C3orf33: variants seen among roughly 807,000 people sequenced by gnomAD.
C3orf33 encodes AP-1 activity suppressor.
In C3orf33, 23 loss-of-function variants were observed where a neutral mutation model predicts 28.7. The ratio of observed to expected loss-of-function variants is 0.80; its 90% CI spans 0.58 to 1.13. The LOEUF (loss-of-function observed/expected upper bound fraction) is 1.13. Ranked by LOEUF, C3orf33 falls within the 50% of genes most tolerant of loss-of-function variation. The pLI is 0.00. For missense variants in C3orf33, 327 were observed against 353.4 expected (o/e 0.93, Z 0.60); for synonymous variants, 119 against 120.5 (o/e 0.99, Z 0.08).
intron 3 of C3orf33, among the ~76,000 whole-genome samples, 185 bp from the exon 4 acceptor site, chr3:155,767,854 A>T (rs1008739083): frequency 6.6e-6 from 1 of 152,196 alleles, no homozygotes; most frequent in African/African-American, 2.4e-5. Flanking sequence ...AGTATATATA[A>T]CACAGTAATT....
intron 3 of C3orf33, among the ~76,000 whole-genome samples, chr3:155,772,652 C>T (rs930710773): frequency 1.3e-5 from 2 of 151,770 alleles, no homozygotes; most frequent in Middle Eastern, 3.4e-3. Flanking sequence ...TTATGACTAC[C>T]GTAGGCATGT....
At chr3:155,765,694 C>T (rs984451369) in intron 4 of C3orf33, among the ~76,000 whole-genome samples, 1 of 152,038 alleles carries the variant, frequency 6.6e-6, no homozygotes, top group Non-Finnish European at 1.5e-5. Flanking sequence ...ATTCCAGGCA[C>T]CCGGCACCAT....
chr3:155,799,738 T>A (rs1413658017), intron 2 of C3orf33, among the ~76,000 whole-genome samples: 2 of 152,172 alleles, frequency 1.3e-5, no homozygotes, highest in Non-Finnish European at 2.9e-5. Context: ...ATACTATTCA[T>A]CCTTAAACAG....
At chr3:155,794,560 A>C (rs1040732821) in intron 2 of C3orf33, among the ~76,000 whole-genome samples, 2 of 152,140 alleles carry the variant, frequency 1.3e-5, no homozygotes, top group African/African-American at 4.8e-5. Flanking sequence ...ATGTAAATGA[A>C]CTAAACTCTC....
At position 155,763,651 on chromosome 3, in the gene C3orf33, T is replaced by G. The variant is rs113890115; in HGVS notation, c.751A>C (p.Ser251Arg). ...TCATAATAACTTTCTTTTTTCAAGC[T>G]GAAATCTGATCCTGTTGTTTTTAAA... is the stretch of plus-strand genomic sequence containing the variant. The part of the protein sequence containing the change: ...SFLKTTGSDF[S>R]LKKESYYEKL... The change falls in exon 5 of 5, where the codon AGC becomes CGC. Residue 251 changes from serine to arginine, a missense_variant. Ser to Arg is a moderately radical substitution (Grantham distance 110, BLOSUM62 -1). Coordinates refer to ENST00000340171, the MANE Select transcript of C3orf33 (RefSeq NM_001308229.2). 5,647 of 1,596,468 alleles carry G rather than the reference T, an allele frequency of 3.5e-3. 146 individuals are homozygous for G. The African/African-American group carries it at 0.064, about 18-fold the overall frequency.
intron 3 of C3orf33, among the ~76,000 whole-genome samples, chr3:155,772,601 G>T (rs1431405687): frequency 2.6e-5 from 4 of 151,138 alleles, no homozygotes; most frequent in African/African-American, 9.8e-5. Context: ...TACCATCAGG[G>T]ATGAGAAGCT....
rs3068982 is a variant in C3orf33 at position 155,770,962 on chromosome 3, C to CTGTGTGTGTGTGTGTGTGTG, written c.323-3313_323-3294dup. Among the ~76,000 whole-genome samples the CTGTGTGTGTGTGTGTGTGTG allele has an allele frequency of 1.2e-3, 155 of 129,992 alleles. 2 individuals are homozygous for CTGTGTGTGTGTGTGTGTGTG. The highest frequency in any genetic ancestry group is 4.2e-3 in the African/African-American group (141 of 33,392). 85.3% of individuals were successfully genotyped at this position (129,992 alleles called of 152,430 possible). A position where few individuals can be genotyped will look rare whatever the true frequency, so the allele number is the denominator to read the frequency against. ...GTGCTGGGATTACAGGCATGAACCACTGTGTGTGTGTGTGTGTGTGTGTGT... is the reference window on the plus strand; with the variant it reads ...GTGCTGGGATTACAGGCATGAACCACTGTGTGTGTGTGTGTGTGTGTGTGTGTGTGTGTGTGTGTGTGTGT... On this transcript the variant is annotated intron_variant, in intron 3 of 4. Transcript: ENST00000340171.
intron 3 of C3orf33, among the ~76,000 whole-genome samples, chr3:155,770,993 T>TGTGTGTGTTG (rs1553770156): frequency 7.1e-6 from 1 of 140,062 alleles, no homozygotes. Context: ...TGTGTGTGTG[T>TGTGTGTGTTG]TGAGACATAG....
chr3:155,796,154 A>G (rs1284666496), intron 2 of C3orf33, among the ~76,000 whole-genome samples: 1 of 152,102 alleles, frequency 6.6e-6, no homozygotes, highest in South Asian at 2.1e-4. Flanking sequence ...AATAATAAAG[A>G]TTGGAGCAAA....
chr3:155,771,783 T>C (rs1257844137), intron 3 of C3orf33, among the ~76,000 whole-genome samples: 1 of 152,190 alleles, frequency 6.6e-6, no homozygotes, highest in Non-Finnish European at 1.5e-5. Context: ...AAATCTTTTA[T>C]ACAAACATCA....
At chr3:155,803,650 G>A (rs1751721621) in intron 1 of C3orf33, among the ~76,000 whole-genome samples, 1 of 151,796 alleles carries the variant, frequency 6.6e-6, no homozygotes, top group Non-Finnish European at 1.5e-5. Flanking sequence ...GGAGGCCGAG[G>A]CGGGTGGATC....
At chr3:155,768,548 T>C (rs1334529353) in intron 3 of C3orf33, among the ~76,000 whole-genome samples, 1 of 152,184 alleles carries the variant, frequency 6.6e-6, no homozygotes, top group Non-Finnish European at 1.5e-5. Flanking sequence ...AACAAGATTT[T>C]ACTTTAGATA....
intron 3 of C3orf33, among the ~76,000 whole-genome samples, chr3:155,770,182 C>G (rs182055818): frequency 2.0e-5 from 3 of 152,256 alleles, no homozygotes; most frequent in Admixed American, 1.3e-4. Context: ...AACTCTTTGC[C>G]TTGCTCACCC....
At chr3:155,778,387 C>G (rs1559992041) in intron 2 of C3orf33, among the ~76,000 whole-genome samples, 1 of 152,106 alleles carries the variant, frequency 6.6e-6, no homozygotes, top group African/African-American at 2.4e-5. Flanking sequence ...AATCCTTGCT[C>G]TTAGGAAGTA....
intron 4 of C3orf33, among the ~76,000 whole-genome samples, chr3:155,767,201 G>A (rs562484176): frequency 2.0e-5 from 3 of 146,514 alleles, no homozygotes; most frequent in East Asian, 4.1e-4. Context: ...TGCAGTGGCC[G>A]AGATCGTGCC....
At chr3:155,798,285 T>C (rs1341548095) in intron 2 of C3orf33, among the ~76,000 whole-genome samples, 2 of 152,150 alleles carry the variant, frequency 1.3e-5, no homozygotes. Flanking sequence ...CTCAAATTTC[T>C]ATGGAGCCAT....
At chr3:155,783,792 T>C (rs1157963331) in intron 2 of C3orf33, among the ~76,000 whole-genome samples, 4 of 152,204 alleles carry the variant, frequency 2.6e-5, no homozygotes, top group African/African-American at 9.6e-5. Flanking sequence ...AAAGAGACAA[T>C]AATTAGTTTA....
chr3:155,803,831 G>A (rs772306467), intron 1 of C3orf33, among the ~76,000 whole-genome samples: 5 of 151,976 alleles, frequency 3.3e-5, no homozygotes, highest in African/African-American at 7.3e-5. Flanking sequence ...GCAGTGAGCC[G>A]AGATTGTGCC....
At chr3:155,766,267 A>G (rs1750399695) in intron 4 of C3orf33, among the ~76,000 whole-genome samples, 1 of 152,240 alleles carries the variant, frequency 6.6e-6, no homozygotes. Context: ...CACCAAAAAA[A>G]TCTGGAGTAA....
Sources: gnomAD v4.1 joint callset for allele counts (sites outside exome capture counted in the v4.1 genomes callset) on GRCh38, gnomAD v4.1.1 for gene constraint, MANE v1.5 for transcripts, NCBI Gene and HGNC (gene_info 2026-07-23, HGNC 2026-07-21) for gene names.